Variants in OSBPL8 observed in about 807,000 individuals in gnomAD.
OSBPL8 encodes the protein oxysterol-binding protein-related protein 8.
Under a neutral mutation model 125.5 loss-of-function variants are expected in OSBPL8, and 59 were observed. The observed-to-expected ratio is 0.47, with a 90% CI of 0.38 to 0.58. OSBPL8 has a LOEUF of 0.58. OSBPL8 is among the 20% of genes least tolerant of loss of function. The pLI is 0.00. For missense variants in OSBPL8, 758 were observed against 1,047.8 expected (o/e 0.72, Z 3.82); for synonymous variants, 330 against 338.9 (o/e 0.97, Z 0.29).
At chr12:76,402,626 T>C in intron 6 of OSBPL8, 63 bp downstream of exon 6, 2 of 1,166,068 alleles carry the variant, frequency 1.7e-6, no homozygotes, top group Non-Finnish European at 2.5e-6. Flanking sequence ...CCTATTAGTC[T>C]ACTTCCAAAC....
chr12:76,360,871 A>T (rs1299785805), intron 21 of OSBPL8, among the ~76,000 whole-genome samples: 1 of 152,214 alleles, frequency 6.6e-6, no homozygotes, highest in Admixed American at 6.5e-5. Context: ...CCTAGGCTGC[A>T]CACAGCATGG....
intron 1 of OSBPL8, among the ~76,000 whole-genome samples, chr12:76,502,462 C>T (rs1407403089): frequency 6.6e-6 from 1 of 152,144 alleles, no homozygotes; most frequent in Non-Finnish European, 1.5e-5. Flanking sequence ...AGGGGGTTTA[C>T]TAGGCTGGCT....
At chr12:76,553,084 GC>G (rs1314040487) in intron 1 of OSBPL8, among the ~76,000 whole-genome samples, 2 of 151,992 alleles carry the variant, frequency 1.3e-5, no homozygotes, top group Non-Finnish European at 2.9e-5. Context: ...ATGTACCTGT[GC>G]CCTCACATCC....
intron 4 of OSBPL8, among the ~76,000 whole-genome samples, chr12:76,443,347 T>C (rs1872406347): frequency 6.6e-6 from 1 of 152,114 alleles, no homozygotes; most frequent in Non-Finnish European, 1.5e-5. Flanking sequence ...TCATGAAGCT[T>C]TGATAATAAT....
chr12:76,385,722 A>T (rs1330222811), intron 14 of OSBPL8, among the ~76,000 whole-genome samples: 1 of 152,138 alleles, frequency 6.6e-6, no homozygotes, highest in Non-Finnish European at 1.5e-5. Context: ...GTGCTAGATC[A>T]GGTTACCTAG....
intron 14 of OSBPL8, among the ~76,000 whole-genome samples, chr12:76,384,787 C>T (rs1031210794): frequency 4.6e-5 from 7 of 152,248 alleles, no homozygotes; most frequent in African/African-American, 1.2e-4. Flanking sequence ...TGAACCTGGA[C>T]GTGAATCTTC....
intron 4 of OSBPL8, among the ~76,000 whole-genome samples, chr12:76,431,217 C>T (rs1870776538): frequency 6.6e-6 from 1 of 150,758 alleles, no homozygotes; most frequent in Non-Finnish European, 1.5e-5. Context: ...TATGTGAATA[C>T]CACAATAATC....
Position 76,465,876 on chromosome 12 carries a change from C to T in OSBPL8, c.43-5981G>A, listed in dbSNP as rs143745404. Among the ~76,000 whole-genome samples, 489 of 151,968 alleles carry T rather than the reference C, an allele frequency of 3.2e-3. 6 individuals are homozygous for T. The highest frequency in any genetic ancestry group is 0.011 in the African/African-American group (446 of 41,468). On this transcript the variant is annotated intron_variant, in intron 2 of 23. Transcript: ENST00000261183. Reference sequence around the variant, plus strand: ...TAAAAATTAGCTGGGTGTGGTGGTACACGCCTGTAATCCCAGATACTCTGG... The same window carrying T: ...TAAAAATTAGCTGGGTGTGGTGGTATACGCCTGTAATCCCAGATACTCTGG...
chr12:76,390,780 TTACA>T (rs763265130), intron 10 of OSBPL8, 123 bp from the exon 11 acceptor site: 98 of 639,646 alleles, frequency 1.5e-4, no homozygotes, highest in Non-Finnish European at 2.4e-4. Flanking sequence ...TCTAAGTGTT[TTACA>T]TAGTGTTAAT....
chr12:76,495,500 T>C (rs924036585), intron 1 of OSBPL8, among the ~76,000 whole-genome samples: 3 of 152,230 alleles, frequency 2.0e-5, no homozygotes, highest in African/African-American at 7.2e-5. Context: ...TGCATAGTAC[T>C]GAAGTCTGCT....
At chr12:76,393,146 C>T (rs896544537) in intron 9 of OSBPL8, among the ~76,000 whole-genome samples, 2 of 152,112 alleles carry the variant, frequency 1.3e-5, no homozygotes, top group Admixed American at 6.5e-5. Context: ...GAGGTCTATC[C>T]TCAAGATTAA....
intron 4 of OSBPL8, among the ~76,000 whole-genome samples, chr12:76,444,910 T>C (rs1592694680): frequency 6.6e-6 from 1 of 152,184 alleles, no homozygotes; most frequent in African/African-American, 2.4e-5. Context: ...GCCATCTCAT[T>C]AGTTTTTTTA....
intron 9 of OSBPL8, 148 bp downstream of exon 9, chr12:76,394,497 T>C (rs1441052912): frequency 1.8e-5 from 11 of 609,820 alleles, no homozygotes; most frequent in South Asian, 1.1e-4. Context: ...GTTACTCATA[T>C]ATTTAGCATT....
chr12:76,524,378 T>C (rs1592849171), intron 1 of OSBPL8, among the ~76,000 whole-genome samples: 1 of 152,206 alleles, frequency 6.6e-6, no homozygotes, highest in African/African-American at 2.4e-5. Context: ...CTATAACTAC[T>C]GACAGTACAA....
intron 4 of OSBPL8, among the ~76,000 whole-genome samples, chr12:76,425,661 T>A (rs946577888): frequency 6.6e-6 from 1 of 152,214 alleles, no homozygotes; most frequent in African/African-American, 2.4e-5. Flanking sequence ...TCTGTCTGAC[T>A]GTATGCTGAT....
chr12:76,510,818 T>C (rs1358358049), intron 1 of OSBPL8, among the ~76,000 whole-genome samples: 1 of 150,998 alleles, frequency 6.6e-6, no homozygotes, highest in Non-Finnish European at 1.5e-5. Context: ...GAGCTGGAGG[T>C]TGTGGTGAGC....
chr12:76,398,530 T>A (rs1470150894), intron 7 of OSBPL8, among the ~76,000 whole-genome samples: 2 of 152,344 alleles, frequency 1.3e-5, no homozygotes, highest in Non-Finnish European at 1.5e-5. Flanking sequence ...TAATGCTATG[T>A]CAATAGTAAG....
At chr12:76,434,939 G>A (rs896492045) in intron 4 of OSBPL8, among the ~76,000 whole-genome samples, 2 of 152,144 alleles carry the variant, frequency 1.3e-5, no homozygotes, top group African/African-American at 4.8e-5. Context: ...ATGGAAAGCA[G>A]TATGAAGGTT....
intron 1 of OSBPL8, among the ~76,000 whole-genome samples, chr12:76,539,829 T>A (rs1407690162): frequency 6.6e-6 from 1 of 152,214 alleles, no homozygotes; most frequent in Admixed American, 6.5e-5. Flanking sequence ...AGGCCGTAAG[T>A]GCCATTTGTC....
Sources: allele counts gnomAD v4.1 joint callset (sites outside exome capture counted in the v4.1 genomes callset), GRCh38; gene constraint gnomAD v4.1.1; transcripts MANE v1.5; gene names NCBI Gene and HGNC (gene_info 2026-07-23, HGNC 2026-07-21).